DIP2C: variants seen among roughly 807,000 people sequenced by gnomAD.
DIP2C encodes DIP2 acetate--CoA ligase C (putative), also known as disco-interacting protein 2 homolog C.
DIP2C carries 33 observed loss-of-function variants against 192.4 expected under a neutral mutation model. That is an observed-to-expected ratio of 0.17 (90% CI 0.13 to 0.23). DIP2C has a LOEUF of 0.23. Among genes scored for constraint, DIP2C ranks in the 10% least tolerant of loss-of-function variants. The pLI is 1.00. For missense variants in DIP2C, 1,537 were observed against 2,110.1 expected, an observed-to-expected ratio of 0.73 and a Z score of 5.32; for synonymous variants, 979 against 864.1, an observed-to-expected ratio of 1.13 and a Z score of -2.33.
Position 363,364 on chromosome 10 carries a change from C to A in DIP2C, c.2478-53G>T. 1.3e-6 allele frequency: 2 copies of A among 1,505,268 alleles called. No individual in the cohort carries two copies. The highest frequency in any genetic ancestry group is 1.8e-6 in the Non-Finnish European group (2 of 1,094,162). 93.2% of individuals were successfully genotyped at this position (1,505,268 alleles called of 1,614,324 possible). On this transcript the variant is annotated intron_variant, in intron 20 of 36. Transcript: ENST00000280886. The surrounding 1 kb of genome is among the most constrained non-coding windows in gnomAD (Gnocchi z 5.4). ...ACGCGCCGGGGACGCTCATGCAGCC[C>A]TCCCTCCGCCATCAGGGGCTCCATA...
chr10:593,199 C>T (rs1851501161), intron 1 of DIP2C, among the ~76,000 whole-genome samples: 1 of 152,080 alleles, frequency 6.6e-6, no homozygotes, highest in Non-Finnish European at 1.5e-5. Flanking sequence ...ACTGGGTTTC[C>T]ATCCCTGCCT....
chr10:612,403 A>G (rs1853156184), intron 1 of DIP2C, among the ~76,000 whole-genome samples: 2 of 152,260 alleles, frequency 1.3e-5, no homozygotes, highest in Non-Finnish European at 2.9e-5. Context: ...GTTGAATTTA[A>G]CTATCTTTTA....
rs79670107 is a variant in DIP2C, at chr10:688,063, G to A, written c.85+1431C>T. ...AAGGCTGACACAATCAGATAACCAG[G>A]GTGGGCCTTTTGCAAATGATACACT... On this transcript the variant is annotated intron_variant, in intron 1 of 36. Transcript: ENST00000280886. Among the ~76,000 whole-genome samples the A allele has an allele frequency of 3.9e-4, 59 of 152,286 alleles. 4 individuals are homozygous for A. The East Asian group carries it at 0.011, about 28-fold the overall frequency.
rs1845992455 is a variant in DIP2C, at chr10:511,228, G to A, written c.86-24698C>T. Among the ~76,000 whole-genome samples, 5 of 152,206 alleles carry A rather than the reference G, an allele frequency of 3.3e-5. 1 individual carries two copies. In the South Asian group the frequency reaches 1.0e-3, roughly 31 times the overall value. On this transcript the variant is annotated intron_variant, in intron 1 of 36. Transcript: ENST00000280886. Reference sequence around the variant, plus strand: ...AGAGAGCAGCAGGTGCCAGCGTGGAGTTCCTGCAAACTCGCCTCAATCAAG... The same window carrying A: ...AGAGAGCAGCAGGTGCCAGCGTGGAATTCCTGCAAACTCGCCTCAATCAAG...
At chr10:373,887 C>G (rs1468072292) in intron 17 of DIP2C, among the ~76,000 whole-genome samples, 1 of 152,224 alleles carries the variant, frequency 6.6e-6, no homozygotes, top group African/African-American at 2.4e-5. Flanking sequence ...TGTTTGATCA[C>G]CAATAAATAG....
At chr10:500,867 C>CT (rs1366932208) in intron 1 of DIP2C, among the ~76,000 whole-genome samples, 1 of 152,028 alleles carries the variant, frequency 6.6e-6, no homozygotes, top group African/African-American at 2.4e-5. Flanking sequence ...ATGCTAAGAT[C>CT]TTTCTATCAT....
At chr10:544,543 C>G (rs1848178440) in intron 1 of DIP2C, among the ~76,000 whole-genome samples, 1 of 152,186 alleles carries the variant, frequency 6.6e-6, no homozygotes, top group Non-Finnish European at 1.5e-5. Flanking sequence ...CATTTTCCTT[C>G]CCCTCCCACT....
intron 29 of DIP2C, among the ~76,000 whole-genome samples, chr10:336,977 G>A (rs1257999904): frequency 3.8e-5 from 2 of 53,000 alleles, no homozygotes; most frequent in Non-Finnish European, 1.3e-4. Context: ...GGCCTAGGCA[G>A]CTGTGTGTGT....
At chr10:398,428 G>A (rs561039922) in intron 10 of DIP2C, among the ~76,000 whole-genome samples, 1 of 152,304 alleles carries the variant, frequency 6.6e-6, no homozygotes, top group Admixed American at 6.5e-5. Context: ...GCTTCAAGCT[G>A]TCCCACCTTT....
chr10:668,614 CACAT>C (rs1309423451), intron 1 of DIP2C: 5 of 152,296 alleles, frequency 3.3e-5, no homozygotes, highest in African/African-American at 4.8e-5. Context: ...ACATACAACA[CACAT>C]ACAACCCATG....
intron 1 of DIP2C, among the ~76,000 whole-genome samples, chr10:564,097 T>G (rs1849344159): frequency 6.6e-6 from 1 of 152,018 alleles, no homozygotes; most frequent in Admixed American, 6.5e-5. Context: ...AGGTAAAAAA[T>G]ATGGAACAGA....
intron 28 of DIP2C, among the ~76,000 whole-genome samples, chr10:342,444 C>T (rs1250659485): frequency 6.6e-6 from 1 of 152,228 alleles, no homozygotes; most frequent in East Asian, 1.9e-4. Context: ...AGGCACGAGA[C>T]ACCGCGCCTG....
At chr10:546,971 A>G (rs546239862) in intron 1 of DIP2C, among the ~76,000 whole-genome samples, 89 of 152,356 alleles carry the variant, frequency 5.8e-4, no homozygotes, top group African/African-American at 1.8e-3. Flanking sequence ...GCAAATACCT[A>G]TCTCTTAAGT....
At chr10:306,513 G>A (rs576802180) in intron 32 of DIP2C, among the ~76,000 whole-genome samples, 123 of 152,284 alleles carry the variant, frequency 8.1e-4, no homozygotes, top group African/African-American at 2.9e-3. Context: ...CTTGGAGCTC[G>A]CAAGTGAGTG....
chr10:617,257 T>TG (rs1160771233), intron 1 of DIP2C, among the ~76,000 whole-genome samples: 1 of 141,684 alleles, frequency 7.1e-6, no homozygotes, highest in African/African-American at 2.6e-5. Flanking sequence ...TCTACAAACT[T>TG]GGGGGACTGC....
intron 1 of DIP2C, among the ~76,000 whole-genome samples, chr10:495,341 A>G (rs1232185022): frequency 6.6e-6 from 1 of 152,198 alleles, no homozygotes; most frequent in Non-Finnish European, 1.5e-5. Context: ...ATCTGCCTGA[A>G]ATTCAGTTAA....
intron 28 of DIP2C, among the ~76,000 whole-genome samples, chr10:342,875 T>C (rs1958226371): frequency 6.6e-6 from 1 of 152,228 alleles, no homozygotes; most frequent in Non-Finnish European, 1.5e-5. Flanking sequence ...TCAATTATTT[T>C]GAAATACAAT....
intron 1 of DIP2C, among the ~76,000 whole-genome samples, chr10:513,351 T>C (rs888549530): frequency 6.6e-6 from 1 of 152,240 alleles, no homozygotes; most frequent in Non-Finnish European, 1.5e-5. Context: ...GTAAGCCAGA[T>C]GATCAGTTTT....
At chr10:317,020 G>T (rs1002350554) in intron 31 of DIP2C, among the ~76,000 whole-genome samples, 1 of 152,174 alleles carries the variant, frequency 6.6e-6, no homozygotes, top group Non-Finnish European at 1.5e-5. Flanking sequence ...GACGGTTATG[G>T]TTGGAACAAG....
Sources: gnomAD v4.1 joint callset for allele counts (sites outside exome capture counted in the v4.1 genomes callset) on GRCh38, gnomAD v4.1.1 for gene constraint, Gnocchi (gnomAD v3.1) non-coding constraint, MANE v1.5 for transcripts, NCBI Gene and HGNC (gene_info 2026-07-23, HGNC 2026-07-21) for gene names.